Variants in RNGTT observed in about 807,000 individuals in gnomAD.
The protein encoded by RNGTT is mRNA-capping enzyme.
Under a neutral mutation model 79.3 loss-of-function variants are expected in RNGTT, and 33 were observed. The observed-to-expected ratio is 0.42, with a 90% confidence interval of 0.32 to 0.56. The LOEUF (loss-of-function observed/expected upper bound fraction) is 0.56, where lower values mean the gene tolerates loss of function less well. Among genes scored for constraint, RNGTT ranks in the 20% least tolerant of loss-of-function variants. The probability of loss-of-function intolerance (pLI) is 0.17; values close to 1 mark genes in which losing one functional copy is unlikely to be tolerated. For missense variants in RNGTT, 497 were observed against 739.1 expected (o/e 0.67, Z 3.80); for synonymous variants, 222 against 235.9 (o/e 0.94, Z 0.54).
chr6:88,810,380 G>C (rs1780098054), intron 11 of RNGTT, among the ~76,000 whole-genome samples: 1 of 152,126 alleles, frequency 6.6e-6, no homozygotes, highest in South Asian at 2.1e-4. Flanking sequence ...TAATAGGTAG[G>C]AATGAATTTC....
intron 13 of RNGTT, among the ~76,000 whole-genome samples, chr6:88,681,651 T>C (rs568673362): frequency 6.6e-6 from 1 of 152,312 alleles, no homozygotes; most frequent in East Asian, 1.9e-4. Flanking sequence ...GGTGCTTATA[T>C]ACAATATAGC....
chr6:88,921,644 A>G (rs1784168615), intron 4 of RNGTT, among the ~76,000 whole-genome samples: 1 of 152,106 alleles, frequency 6.6e-6, no homozygotes, highest in Non-Finnish European at 1.5e-5. Context: ...AAGCAGTGAG[A>G]ATAGAAAAAT....
intron 14 of RNGTT, among the ~76,000 whole-genome samples, chr6:88,617,576 A>G (rs1377807509): frequency 6.6e-6 from 1 of 152,222 alleles, no homozygotes; most frequent in Non-Finnish European, 1.5e-5. Flanking sequence ...TAAGTATGCC[A>G]TCTAAATTAG....
intron 11 of RNGTT, among the ~76,000 whole-genome samples, chr6:88,802,245 A>G (rs1172675913): frequency 1.3e-5 from 2 of 152,190 alleles, no homozygotes; most frequent in Non-Finnish European, 2.9e-5. Context: ...AAGAACCCTT[A>G]GAGAATGTTT....
intron 13 of RNGTT, among the ~76,000 whole-genome samples, chr6:88,715,238 C>A (rs552971905): frequency 6.6e-5 from 10 of 152,208 alleles, no homozygotes; most frequent in Non-Finnish European, 1.0e-4. Flanking sequence ...GAATAAAATA[C>A]CCAGGAATCC....
chr6:88,789,950 G>A (rs62431776), intron 12 of RNGTT, among the ~76,000 whole-genome samples: 2 of 152,130 alleles, frequency 1.3e-5, no homozygotes, highest in African/African-American at 2.4e-5. Flanking sequence ...ACTATAAAAA[G>A]TTTCAAAGAT....
chr6:88,779,263 A>C (rs1189646541), intron 12 of RNGTT, among the ~76,000 whole-genome samples: 1 of 152,210 alleles, frequency 6.6e-6, no homozygotes, highest in Non-Finnish European at 1.5e-5. Context: ...ACCTCTGCCA[A>C]GGAAATTTCA....
At chr6:88,935,370 T>C (rs1451436404) in intron 2 of RNGTT, among the ~76,000 whole-genome samples, 1 of 152,192 alleles carries the variant, frequency 6.6e-6, no homozygotes, top group African/African-American at 2.4e-5. Context: ...TTTGTTCCTT[T>C]TGCTCAAGAT....
intron 1 of RNGTT, among the ~76,000 whole-genome samples, chr6:88,949,158 T>TAAAAAAAAAAAAAAAAA (rs1491197999): frequency 3.3e-4 from 6 of 18,008 alleles, no homozygotes; most frequent in African/African-American, 7.9e-4. Context: ...TAAAATAAAA[T>TAAAAAAAAAAAAAAAAA]GAAAAAAAAA....
At chr6:88,901,651 C>T (rs989742042) in intron 6 of RNGTT, among the ~76,000 whole-genome samples, 2 of 151,650 alleles carry the variant, frequency 1.3e-5, no homozygotes, top group East Asian at 1.9e-4. Flanking sequence ...GGATTACAGG[C>T]GCCTGCCACT....
chr6:88,921,092 G>A (rs962000286), intron 4 of RNGTT, among the ~76,000 whole-genome samples: 1 of 152,116 alleles, frequency 6.6e-6, no homozygotes, highest in African/African-American at 2.4e-5. Flanking sequence ...TCAAGCTTAA[G>A]TAGTCTTAGG....
At chr6:88,826,006 A>C (rs1238580219) in intron 11 of RNGTT, among the ~76,000 whole-genome samples, 1 of 152,236 alleles carries the variant, frequency 6.6e-6, no homozygotes, top group East Asian at 1.9e-4. Context: ...CATAGAAAAT[A>C]TAGAGTTCTT....
intron 12 of RNGTT, among the ~76,000 whole-genome samples, chr6:88,792,407 T>G (rs1023261572): frequency 3.9e-5 from 6 of 152,154 alleles, no homozygotes; most frequent in Admixed American, 3.3e-4. Context: ...TTTGAACTGG[T>G]AAAAAGGAAA....
At chr6:88,848,209 C>T (rs559499946) in intron 10 of RNGTT, among the ~76,000 whole-genome samples, 3 of 151,796 alleles carry the variant, frequency 2.0e-5, no homozygotes, top group Admixed American at 6.6e-5. Flanking sequence ...TGTGATAAAA[C>T]GAACTTTGGC....
chr6:88,901,750 G>A (rs188474438), intron 6 of RNGTT, among the ~76,000 whole-genome samples: 2 of 151,852 alleles, frequency 1.3e-5, no homozygotes, highest in South Asian at 2.1e-4. Context: ...CTCGTGATTC[G>A]CCCGCCTCAG....
intron 13 of RNGTT, among the ~76,000 whole-genome samples, chr6:88,725,107 A>G (rs1209907189): frequency 6.6e-6 from 1 of 152,174 alleles, no homozygotes; most frequent in African/African-American, 2.4e-5. Context: ...TGGCACCAAA[A>G]CTTCACTTAT....
At chr6:88,750,472 G>C (rs78890758) in intron 13 of RNGTT, among the ~76,000 whole-genome samples, 1 of 152,286 alleles carries the variant, frequency 6.6e-6, no homozygotes, top group African/African-American at 2.4e-5. Flanking sequence ...GGGAGGCAAA[G>C]ATGGTCCACA....
At chr6:88,926,453 CCTAA>C (rs1182041626) in intron 4 of RNGTT, among the ~76,000 whole-genome samples, 37 of 152,102 alleles carry the variant, frequency 2.4e-4, no homozygotes, top group African/African-American at 8.2e-4. Context: ...AGTAATTCTG[CCTAA>C]CTTTCATTGG....
At chr6:88,738,331 T>C (rs1404517501) in intron 13 of RNGTT, among the ~76,000 whole-genome samples, 1 of 152,112 alleles carries the variant, frequency 6.6e-6, no homozygotes, top group African/African-American at 2.4e-5. Context: ...CCTAAGGAGA[T>C]ATGACAACTA....
Sources: gnomAD v4.1 joint callset for allele counts (sites outside exome capture counted in the v4.1 genomes callset) on GRCh38, gnomAD v4.1.1 for gene constraint, MANE v1.5 for transcripts, NCBI Gene and HGNC (gene_info 2026-07-23, HGNC 2026-07-21) for gene names.